Variants in MSL3 observed in about 807,000 individuals in gnomAD.
The protein encoded by MSL3 is MSL3-like 1.
Under a neutral mutation model 37.2 loss-of-function variants are expected in MSL3, and 5 were observed. The observed-to-expected ratio is 0.13, with a 90% CI of 0.07 to 0.28. The LOEUF (loss-of-function observed/expected upper bound fraction) is 0.28. MSL3 is among the 10% of genes least tolerant of loss of function. The pLI is 1.00. For missense variants in MSL3, 315 were observed against 408.5 expected (o/e 0.77, Z 1.97); for synonymous variants, 149 against 147.6 (o/e 1.01, Z -0.07).
intron 9 of MSL3, chrX:11,767,254 C>G (rs1003333125): frequency 2.0e-4 from 154 of 752,723 alleles, no homozygotes; most frequent in Non-Finnish European, 2.1e-4. Flanking sequence ...TAAGAGAAGC[C>G]CTTTGAATAA....
chrX:11,768,936 A>G (rs566401324), intron 10 of MSL3: 3 of 292,460 alleles, frequency 1.0e-5, no homozygotes, highest in East Asian at 6.9e-5. Context: ...TTTTTACTTT[A>G]TAGAACAGAT....
intron 10 of MSL3, among the ~76,000 whole-genome samples, chrX:11,770,295 T>TA (rs765466950): frequency 8.9e-6 from 1 of 111,888 alleles, no homozygotes; most frequent in East Asian, 2.8e-4. Context: ...GAGGGTAGGT[T>TA]AGGAAATCCC....
At chrX:11,770,522 G>A (rs1365015110) in intron 10 of MSL3, among the ~76,000 whole-genome samples, 2 of 111,316 alleles carry the variant, frequency 1.8e-5, no homozygotes, top group African/African-American at 6.6e-5. Context: ...GGGTTCAGGC[G>A]GCTCTCACAA....
rs139819642 is a variant in MSL3 at position 11,766,566 on chromosome X, T to C, written c.1171+837T>C. The C allele has an allele frequency of 1.1e-3, 818 of 753,463 alleles. 5 individuals carry two copies. In the African/African-American group the frequency reaches 0.017, roughly 15 times the overall value. 62.1% of individuals were successfully genotyped at this position (753,463 alleles called of 1,213,427 possible). A position where few individuals can be genotyped will look rare whatever the true frequency, so the allele number is the denominator to read the frequency against. ...CCTCATTCACAAATACAGGGTGCTC[T>C]GTGCTTATATCCTTCCACCCTTGAC... On this transcript the variant is annotated intron_variant, in intron 9 of 12. Coordinates refer to ENST00000312196, the MANE Select transcript of MSL3 (RefSeq NM_078629.4).
intron 4 of MSL3, 76 bp from the exon 5 acceptor site, chrX:11,761,424 A>C: frequency 1.6e-5 from 9 of 563,837 alleles, no homozygotes; most frequent in Non-Finnish European, 2.3e-5. Flanking sequence ...CACCCACACT[A>C]CACGTGAAGA....
chrX:11,772,714 A>C lies in MSL3; in HGVS notation c.1466+9A>C. The C allele has an allele frequency of 8.9e-7, 1 of 1,122,120 alleles. No individual in the cohort carries two copies. Among genetic ancestry groups the C allele is most frequent in the African/African-American group, 1.8e-5 (1 of 55,488 alleles). 92.5% of individuals were successfully genotyped at this position (1,122,120 alleles called of 1,213,427 possible). ...TTTGATCTCTTTTTGAGGTATTTTTATTATTTTGTCAAAACTTACACCTGT... is the reference window on the plus strand; with the variant it reads ...TTTGATCTCTTTTTGAGGTATTTTTCTTATTTTGTCAAAACTTACACCTGT... On this transcript the variant is annotated intron_variant, in intron 12 of 12. Transcript: ENST00000312196.
intron 9 of MSL3, chrX:11,768,173 C>A: frequency 7.4e-6 from 1 of 134,624 alleles, no homozygotes; most frequent in Non-Finnish European, 1.4e-5. Context: ...AGAACATTTT[C>A]AGCACCCCCC....
rs73493574 is a variant in MSL3 at position 11,771,179 on chromosome X, G to C, written c.1282-977G>C. Among the ~76,000 whole-genome samples the C allele has an allele frequency of 5.6e-3, 630 of 112,560 alleles. 7 individuals carry two copies. The highest frequency in any genetic ancestry group is 0.019 in the African/African-American group (602 of 30,946). The stretch of plus-strand genomic sequence containing the variant: ...AGTTTGTGGGGGCATCTTTCTTTCT[G>C]CTTTGTCTGCTGGTGGACTTCCTCC... On this transcript the variant is annotated intron_variant, in intron 10 of 12. Coordinates refer to ENST00000312196, the MANE Select transcript of MSL3 (RefSeq NM_078629.4).
intron 10 of MSL3, 139 bp from the exon 11 acceptor site, chrX:11,772,017 G>GT (rs1209264447): frequency 1.1e-5 from 5 of 469,420 alleles, no homozygotes; most frequent in Non-Finnish European, 1.8e-5. Context: ...TTTCATCTTT[G>GT]TTTTTTGTAA....
At chrX:11,760,142 C>T in intron 2 of MSL3, 1 of 365,618 alleles carries the variant, frequency 2.7e-6, no homozygotes, top group South Asian at 6.3e-5. Flanking sequence ...TACTTTGTTA[C>T]CAGAACTTGC....
At chrX:11,758,734 C>T (rs554194699) in intron 1 of MSL3, 3 of 1,165,549 alleles carry the variant, frequency 2.6e-6, no homozygotes, top group South Asian at 1.9e-5. Flanking sequence ...GGCCTGGTGC[C>T]GGGTGGGCTC....
chrX:11,773,233 A>AT (rs945666229), intron 12 of MSL3, among the ~76,000 whole-genome samples: 1 of 111,841 alleles, frequency 8.9e-6, no homozygotes, highest in African/African-American at 3.3e-5. Context: ...AAAGCCAGTC[A>AT]TTTTTTTATC....
At chrX:11,758,575 G>C (rs2053095458) in intron 1 of MSL3, 17 of 1,111,975 alleles carry the variant, frequency 1.5e-5, no homozygotes, top group Non-Finnish European at 2.0e-5. Flanking sequence ...CCGTCAGGCC[G>C]GGCGGCGCAC....
intron 1 of MSL3, 150 bp from the exon 2 acceptor site, chrX:11,759,643 A>G: frequency 9.1e-7 from 1 of 1,102,242 alleles, no homozygotes; most frequent in Non-Finnish European, 1.2e-6. Context: ...TGGGGGAAAA[A>G]AATGAAAGGA....
At chrX:11,761,433 G>T (rs1317924307) in intron 4 of MSL3, 67 bp from the exon 5 acceptor site, 7 of 684,165 alleles carry the variant, frequency 1.0e-5, no homozygotes, top group Non-Finnish European at 1.6e-5. Context: ...TACACGTGAA[G>T]ATCTGTAGAC....
intron 1 of MSL3, chrX:11,758,662 G>T (rs2053096951): frequency 8.6e-7 from 1 of 1,162,485 alleles, no homozygotes; most frequent in African/African-American, 1.8e-5. Context: ...AACGGTGGCC[G>T]CTGAGGGAGG....
intron 12 of MSL3, among the ~76,000 whole-genome samples, chrX:11,773,186 A>G (rs1447068222): frequency 2.7e-5 from 3 of 111,901 alleles, no homozygotes; most frequent in Non-Finnish European, 5.6e-5. Context: ...GTTGTCATGT[A>G]TGAATTCAGA....
chrX:11,768,712 G>T, intron 10 of MSL3, 30 bp downstream of exon 10: 1 of 1,011,389 alleles, frequency 9.9e-7, no homozygotes. Context: ...TGTTCCCAAT[G>T]GTTCCTTTAT....
At chrX:11,768,339 A>G (rs2053203664) in intron 9 of MSL3, 1 of 286,493 alleles carries the variant, frequency 3.5e-6, no homozygotes, top group South Asian at 8.3e-5. Context: ...GATTGGCTCC[A>G]TTCACTAAGC....
Sources: allele counts gnomAD v4.1 joint callset (sites outside exome capture counted in the v4.1 genomes callset), GRCh38; gene constraint gnomAD v4.1.1; transcripts MANE v1.5; gene names NCBI Gene and HGNC (gene_info 2026-07-23, HGNC 2026-07-21).